FMNL1: variants seen among roughly 807,000 people sequenced by gnomAD.
FMNL1 encodes formin like 1.
A neutral mutation model predicts 121.3 loss-of-function variants in FMNL1; 43 were observed. The observed-to-expected ratio is 0.35, with a 90% CI of 0.28 to 0.46. The LOEUF is 0.46. FMNL1 is among the 20% of genes least tolerant of loss of function. FMNL1 has a pLI of 1.00. For missense variants in FMNL1, 1,191 were observed against 1,482.4 expected, an observed-to-expected ratio of 0.80 and a Z score of 3.23; for synonymous variants, 613 against 613.5, an observed-to-expected ratio of 1.00 and a Z score of 0.01.
At position 45,240,097 on chromosome 17, in the gene FMNL1, G is replaced by A. The variant is rs190524643; in HGVS notation, c.1081-379G>A. 1.4e-3 allele frequency among the ~76,000 whole-genome samples: 212 copies of A among 152,286 alleles called. 1 individual carries two copies. Among genetic ancestry groups the A allele is most frequent in the Non-Finnish European group, 1.4e-3 (95 of 68,016 alleles). On this transcript the variant is annotated intron_variant, in intron 11 of 26. Transcript: ENST00000331495. Reference sequence around the variant, plus strand: ...TGAGCCACCTCGCCCAGCTATCTATGATTGCTTTATATGAAATGTCCAGAA... The same window carrying A: ...TGAGCCACCTCGCCCAGCTATCTATAATTGCTTTATATGAAATGTCCAGAA...
intron 12 of FMNL1, chr17:45,240,903 G>A: frequency 1.4e-6 from 1 of 698,928 alleles, no homozygotes; most frequent in Non-Finnish European, 2.4e-6. Context: ...GCCCCTCCCA[G>A]CTCAGTCTCC....
At chr17:45,243,091 C>T (rs1226929833) in intron 16 of FMNL1, 27 bp from the exon 17 acceptor site, 2 of 1,612,806 alleles carry the variant, frequency 1.2e-6, no homozygotes, top group Non-Finnish European at 8.5e-7. Flanking sequence ...CCCCACCCAG[C>T]TCCGCCTCCT....
In FMNL1 at chr17:45,245,651, TG is replaced by T. The variant is rs758090012; in HGVS notation, c.2914del (p.Glu972SerfsTer75). On this transcript the variant is annotated frameshift_variant, in exon 23 of 27. Transcript: ENST00000331495. LOFTEE classifies it high-confidence loss of function. ...KTAQEAFESV[V>X]EYFGENPKTT... ...CCACAGGAGGCCTTTGAGTCTGTGG[TG>T]GAGTACTTCGGAGAGAACCCCAAGA... is the stretch of plus-strand genomic sequence containing the variant. The T allele has an allele frequency of 6.2e-7, 1 of 1,614,074 alleles. No homozygotes were observed. The highest frequency in any genetic ancestry group is 8.5e-7 in the Non-Finnish European group (1 of 1,179,954).
rs2043233740 is a variant in FMNL1 at position 45,221,940 on chromosome 17, C to T, written c.-185C>T. 2.7e-6 allele frequency: 1 copy of T among 368,674 alleles called. No homozygotes were observed. The highest frequency in any genetic ancestry group is 4.6e-6 in the Non-Finnish European group (1 of 217,356). The allele number at this position is 368,674 out of a possible 1,614,324, so 22.8% of individuals were successfully genotyped here. On this transcript the variant is annotated 5_prime_UTR_variant, in exon 1 of 27. Transcript: ENST00000331495. ...CCCGGTCCCACGGACGGGGCCGCCCCGATGGGACGCCGCGCTCCGGCCCCT... is the reference window on the plus strand; with the variant it reads ...CCCGGTCCCACGGACGGGGCCGCCCTGATGGGACGCCGCGCTCCGGCCCCT...
rs1032244809 is a variant in FMNL1, at chr17:45,233,865, G to A, written c.485+134G>A. The A allele has an allele frequency of 1.5e-6, 2 of 1,365,890 alleles. No homozygotes were observed. Among genetic ancestry groups the A allele is most frequent in the African/African-American group, 2.9e-5 (2 of 69,050 alleles). 84.6% of individuals were successfully genotyped at this position (1,365,890 alleles called of 1,614,324 possible). On this transcript the variant is annotated intron_variant, in intron 5 of 26. Coordinates refer to ENST00000331495, the MANE Select transcript of FMNL1 (RefSeq NM_005892.4). The surrounding 1 kb of genome is among the most constrained non-coding windows in gnomAD (Gnocchi z 4.1). ...ACCCTGGAACCCTCCACTTGGCCTT[G>A]AGCGATGCTCCTTCCAGAAGGCCTG...
At position 45,245,634 on chromosome 17, in the gene FMNL1, G is replaced by T; in HGVS notation, c.2895G>T (p.Glu965Asp). 1 of 1,614,064 alleles carries T rather than the reference G, an allele frequency of 6.2e-7. No individual in the cohort carries two copies. The highest frequency in any genetic ancestry group is 8.5e-7 in the Non-Finnish European group (1 of 1,179,936). The change falls in exon 23 of 27, where the codon GAG becomes GAT. Residue 965 changes from glutamate (E) to aspartate (D), a missense_variant and splice_region_variant. Glu to Asp is a conservative substitution (Grantham distance 45). Around this residue, in one of 4 missense-constraint regions of FMNL1, gnomAD observed 367 missense variants for 528.6 expected, o/e 0.69. Coordinates refer to ENST00000331495, the MANE Select transcript of FMNL1 (RefSeq NM_005892.4). ...KLLADSKTAQ[E>D]AFESVVEYFG... Reference sequence around the variant, plus strand: ...GGGCTGACAGGCTGTGCCCACAGGAGGCCTTTGAGTCTGTGGTGGAGTACT... The same window carrying T: ...GGGCTGACAGGCTGTGCCCACAGGATGCCTTTGAGTCTGTGGTGGAGTACT...
chr17:45,229,190 C>A (rs1014967526), intron 1 of FMNL1, among the ~76,000 whole-genome samples: 3 of 152,242 alleles, frequency 2.0e-5, no homozygotes, highest in South Asian at 2.1e-4. Flanking sequence ...TATTCCACCC[C>A]CTTCAGCCGC....
In FMNL1 at chr17:45,247,074, G is replaced by A. The variant is rs1014946719; in HGVS notation, c.*216G>A. On this transcript the variant is annotated 3_prime_UTR_variant, in exon 27 of 27. Coordinates refer to ENST00000331495, the MANE Select transcript of FMNL1 (RefSeq NM_005892.4). Reference sequence around the variant, plus strand: ...CGGCTGGCCGGGCAGCCCCTCCTCCGCTGTGGCCCGCCTCAAACGGGCTGG... The same window carrying A: ...CGGCTGGCCGGGCAGCCCCTCCTCCACTGTGGCCCGCCTCAAACGGGCTGG... 1.9e-5 allele frequency: 12 copies of A among 619,000 alleles called. No homozygotes were observed. Among genetic ancestry groups the A allele is most frequent in the African/African-American group, 1.1e-4 (6 of 54,962 alleles). The allele number at this position is 619,000 out of a possible 1,614,324, so 38.3% of individuals were successfully genotyped here. A position where few individuals can be genotyped will look rare whatever the true frequency, so the allele number is the denominator to read the frequency against.
At chr17:45,243,022 G>A in intron 16 of FMNL1, 96 bp from the exon 17 acceptor site, 1 of 1,361,838 alleles carries the variant, frequency 7.3e-7, no homozygotes, top group Non-Finnish European at 1.0e-6. Context: ...TGGTGGCCTG[G>A]TCAGGGCCAG....
At chr17:45,232,274 C>G in intron 2 of FMNL1, 93 bp from the exon 3 acceptor site, 3 of 1,115,688 alleles carry the variant, frequency 2.7e-6, no homozygotes, top group Middle Eastern at 5.5e-4. Context: ...GACCTCAGAT[C>G]GGAGCTGAGA....
rs772487777 is a variant in FMNL1, at chr17:45,244,027, TG to T, written c.2448+3del. 1 of 1,606,844 alleles carries T rather than the reference TG, an allele frequency of 6.2e-7. No homozygotes were observed. Among genetic ancestry groups the T allele is most frequent in the South Asian group, 1.1e-5 (1 of 90,860 alleles). On this transcript the variant is annotated splice_donor_region_variant and intron_variant, in intron 18 of 26. Coordinates refer to ENST00000331495, the MANE Select transcript of FMNL1 (RefSeq NM_005892.4). The stretch of plus-strand genomic sequence containing the variant: ...GACACAGCCCAGCTGCTCATGCCGG[TG>T]TGGGCGGAGCGGGCAGGGCGGTGTG...
At chr17:45,238,746 AAGG>A in intron 10 of FMNL1, 108 bp downstream of exon 10, 1 of 1,401,746 alleles carries the variant, frequency 7.1e-7, no homozygotes, top group Non-Finnish European at 9.9e-7. Flanking sequence ...CGCAAAGCGT[AAGG>A]ACTGAGTGGT....
chr17:45,235,480 A>C (rs977488279), intron 6 of FMNL1, among the ~76,000 whole-genome samples: 8 of 152,350 alleles, frequency 5.3e-5, no homozygotes, highest in Admixed American at 1.3e-4. Flanking sequence ...GGAGGGGGTG[A>C]AGGCGGGGCC....
intron 2 of FMNL1, among the ~76,000 whole-genome samples, 181 bp from the exon 3 acceptor site, chr17:45,232,186 G>T (rs2043453351): frequency 6.6e-6 from 1 of 151,298 alleles, no homozygotes; most frequent in Admixed American, 6.6e-5. Context: ...TAAAAGAAAA[G>T]AAAAAAAAAG....
intron 1 of FMNL1, among the ~76,000 whole-genome samples, chr17:45,224,540 C>T (rs890755280): frequency 2.6e-5 from 4 of 152,172 alleles, no homozygotes; most frequent in African/African-American, 9.7e-5. Flanking sequence ...TCCAGCGGCC[C>T]CAGGGAACCT....
chr17:45,246,296 C>A lies in FMNL1; in HGVS notation c.3177C>A (p.Ser1059Arg), dbSNP rs35569365. The change falls in exon 25 of 27, where the codon AGC (serine) becomes AGA (arginine). Residue 1059 changes from serine to arginine, a missense_variant. Transcript: ENST00000331495. The stretch of plus-strand genomic sequence containing the variant: ...AGAAGGAGCCACTCATTTATGAGAG[C>A]GACCGTGATGGGGCCATTGAAGACA... ...RQQKEPLIYESDRDGAIEDII... is the reference protein window; with the variant it reads ...RQQKEPLIYERDRDGAIEDII... The A allele has an allele frequency of 1.2e-6, 2 of 1,613,878 alleles. No homozygotes were observed. Among genetic ancestry groups the A allele is most frequent in the Non-Finnish European group, 1.7e-6 (2 of 1,179,990 alleles).
chr17:45,238,599 G>A lies in FMNL1; in HGVS notation c.930G>A (p.Met310Ile), dbSNP rs1294767562. 2 of 1,614,206 alleles carry A rather than the reference G, an allele frequency of 1.2e-6. No homozygotes were observed. The highest frequency in any genetic ancestry group is 1.1e-5 in the South Asian group (1 of 91,086). ...CGEQHRFEKL[M>I]EYFRNEDSNI... ...AGCAGCACCGCTTTGAAAAGCTGATGGAATATTTCCGGAATGAGGACAGCA... is the reference window on the plus strand; with the variant it reads ...AGCAGCACCGCTTTGAAAAGCTGATAGAATATTTCCGGAATGAGGACAGCA... Residue 310 changes from methionine (M) to isoleucine (I), a missense_variant, in exon 10 of 27, where the codon ATG becomes ATA. Met to Ile is a conservative substitution (Grantham distance 10). Coordinates refer to ENST00000331495, the MANE Select transcript of FMNL1 (RefSeq NM_005892.4).
chr17:45,226,234 G>A (rs572022044), intron 1 of FMNL1, among the ~76,000 whole-genome samples: 2 of 152,356 alleles, frequency 1.3e-5, no homozygotes, highest in East Asian at 1.9e-4. Context: ...TGGAGGGTGG[G>A]GCAGCGATGG....
chr17:45,226,166 G>A (rs1052477939), intron 1 of FMNL1, among the ~76,000 whole-genome samples: 3 of 152,232 alleles, frequency 2.0e-5, no homozygotes, highest in African/African-American at 7.2e-5. Flanking sequence ...CAGCAGTGGG[G>A]CCCAGACCGA....
Sources: allele counts gnomAD v4.1 joint callset (sites outside exome capture counted in the v4.1 genomes callset), GRCh38; gene constraint gnomAD v4.1.1; regional missense constraint gnomAD v4.1.1; non-coding constraint Gnocchi (gnomAD v3.1); transcripts MANE v1.5; gene names NCBI Gene and HGNC (gene_info 2026-07-23, HGNC 2026-07-21).